CHDH: variants seen among roughly 807,000 people sequenced by gnomAD.
The protein encoded by CHDH is choline dehydrogenase, also known as choline dehydrogenase, mitochondrial.
In CHDH, 43 loss-of-function variants were observed where a neutral mutation model predicts 56.9. The observed-to-expected ratio is 0.76, with a 90% CI of 0.59 to 0.97. The LOEUF is 0.97. Ranked by LOEUF, CHDH falls within the 50% of genes least tolerant of loss-of-function variation. The probability of loss-of-function intolerance (pLI) is 0.00; values close to 1 mark genes in which losing one functional copy is unlikely to be tolerated. For synonymous variants in CHDH, 364 were observed against 348.5 expected (o/e 1.04, Z -0.50); for missense variants, 816 against 821.1 (o/e 0.99, Z 0.08).
intron 2 of CHDH, among the ~76,000 whole-genome samples, chr3:53,833,246 G>A (rs535235509): frequency 6.6e-6 from 1 of 152,340 alleles, no homozygotes; most frequent in East Asian, 1.9e-4. Flanking sequence ...CCTTCTTCCT[G>A]AGGTGGCGGC....
chr3:53,819,552 TG>T lies in CHDH; in HGVS notation c.1242del (p.Thr415ProfsTer23). The T allele has an allele frequency of 6.2e-7, 1 of 1,611,650 alleles. No individual in the cohort carries two copies. Among genetic ancestry groups the T allele is most frequent in the Admixed American group, 1.7e-5 (1 of 59,808 alleles). Reference sequence around the variant, plus strand: ...CTCACCTGGTAAGCCTCCTGCTGGGTGGGGACCCGCCCGTGGTCAATCACTT... The same window carrying T: ...CTCACCTGGTAAGCCTCCTGCTGGGTGGGACCCGCCCGTGGTCAATCACTT... ...PSQVIDHGRVPTQQEAYQVHV... is the reference protein window; with the variant it reads ...PSQVIDHGRVXTQQEAYQVHV... On this transcript the variant is annotated frameshift_variant, in exon 7 of 9. Transcript: ENST00000315251. LOFTEE classifies it high-confidence loss of function. The surrounding 1 kb of genome is among the most constrained non-coding windows in gnomAD (Gnocchi z 5.4).
chr3:53,821,031 C>G (rs72982040), intron 5 of CHDH, among the ~76,000 whole-genome samples: 3,075 of 152,374 alleles, frequency 0.02, 116 homozygotes, highest in African/African-American at 0.071. Flanking sequence ...GCTACACCGT[C>G]CTTGCATGAA....
intron 2 of CHDH, among the ~76,000 whole-genome samples, chr3:53,837,211 A>G (rs928791895): frequency 1.3e-5 from 2 of 151,980 alleles, no homozygotes; most frequent in Non-Finnish European, 2.9e-5. Flanking sequence ...AAAAAAAAAA[A>G]GGGCATTTTC....
chr3:53,818,843 A>G (rs2095620586), intron 8 of CHDH, 95 bp downstream of exon 8: 1 of 845,806 alleles, frequency 1.2e-6, no homozygotes, highest in African/African-American at 1.7e-5. Context: ...TGTGTCCTAG[A>G]AAGTGTAGTC....
rs1044857540 is a variant in CHDH, at chr3:53,816,847, T to G, written c.*930A>C. On this transcript the variant is annotated 3_prime_UTR_variant, in exon 9 of 9. Coordinates refer to ENST00000315251, the MANE Select transcript of CHDH (RefSeq NM_018397.5). ...GGTCCAAAAAAATCTCAGGTTTTTT[T>G]TTTTTTTTTTTTTTTTGAGACAGGG... The G allele has an allele frequency of 1.4e-5, 2 of 147,244 alleles. No individual in the cohort carries two copies. Among genetic ancestry groups the G allele is most frequent in the African/African-American group, 5.0e-5 (2 of 39,800 alleles). The allele number at this position is 147,244 out of a possible 1,614,324, so 9.1% of individuals were successfully genotyped here.
chr3:53,823,683 G>T lies in CHDH; in HGVS notation c.326C>A (p.Thr109Lys). 1.3e-6 allele frequency: 2 copies of T among 1,548,176 alleles called. No homozygotes were observed. The highest frequency in any genetic ancestry group is 1.7e-6 in the Non-Finnish European group (2 of 1,147,008). ...CDDRYNWCYH[T>K]EVQRGLDGRV... ...GCCGTCCAGGCCCCGCTGCACCTCT[G>T]TGTGGTAGCACCAGTTGTACCTGTC... The change falls in exon 3 of 9, where the codon ACA (threonine) becomes AAA (lysine). Residue 109 changes from threonine to lysine, a missense_variant. Thr to Lys is a moderately conservative substitution (Grantham distance 78, BLOSUM62 -1). Transcript: ENST00000315251.
At position 53,815,744 on chromosome 3, in the gene CHDH, G is replaced by C. The variant is rs2095614612; in HGVS notation, c.*2033C>G. On this transcript the variant is annotated 3_prime_UTR_variant, in exon 9 of 9. Transcript: ENST00000315251. The stretch of plus-strand genomic sequence containing the variant: ...ATCCATACCTGTTCCAGAGAAGAAG[G>C]GTCAGCACAGTCATGGTTGGTCCAG... The C allele has an allele frequency of 1.3e-5, 2 of 152,210 alleles. No individual in the cohort carries two copies. Among genetic ancestry groups the C allele is most frequent in the Non-Finnish European group, 2.9e-5 (2 of 68,060 alleles). The allele number at this position is 152,210 out of a possible 1,614,324, so 9.4% of individuals were successfully genotyped here.
rs2095632008 is a variant in CHDH at position 53,823,429 on chromosome 3, T to C, written c.580A>G (p.Thr194Ala). 2.5e-6 allele frequency: 4 copies of C among 1,583,740 alleles called. No homozygotes were observed. In the South Asian group the frequency reaches 4.6e-5, roughly 18 times the overall value. Residue 194 changes from threonine to alanine, a missense_variant, in exon 3 of 9, where the codon ACC (threonine) becomes GCC (alanine). By Grantham distance (58) the Thr-to-Ala change is moderately conservative (BLOSUM62 0). Transcript: ENST00000315251. Reference sequence around the variant, plus strand: ...AATGCGCAGTGCAGCGGGTGGTTGGTCTTGCCCCGGGACACCCGCAGCGGG... The same window carrying C: ...AATGCGCAGTGCAGCGGGTGGTTGGCCTTGCCCCGGGACACCCGCAGCGGG... ...DGPLRVSRGK[T>A]NHPLHCAFLE...
At chr3:53,822,332 ACCAG>A (rs1454775633) in intron 4 of CHDH, among the ~76,000 whole-genome samples, 155 bp downstream of exon 4, 1 of 151,840 alleles carries the variant, frequency 6.6e-6, no homozygotes, top group African/African-American at 2.4e-5. Flanking sequence ...CTTCACCTCC[ACCAG>A]CCCACTGCCA....
Position 53,817,335 on chromosome 3 carries a change from A to C in CHDH, c.*442T>G. ...TACTGTGTGACTTACTGCCTCAGCT[A>C]AAGCTTGCAGCTCAAGAAGGAGGAT... On this transcript the variant is annotated 3_prime_UTR_variant, in exon 9 of 9. Transcript: ENST00000315251. 1 of 168,604 alleles carries C rather than the reference A, an allele frequency of 5.9e-6. No homozygotes were observed. Among genetic ancestry groups the C allele is most frequent in the Non-Finnish European group, 1.3e-5 (1 of 77,914 alleles). 10.4% of individuals were successfully genotyped at this position (168,604 alleles called of 1,614,324 possible).
chr3:53,823,994 T>A lies in CHDH; in HGVS notation c.15A>T (p.Leu5=). 1 of 1,487,466 alleles carries A rather than the reference T, an allele frequency of 6.7e-7. No individual in the cohort carries two copies. The highest frequency in any genetic ancestry group is 8.9e-7 in the Non-Finnish European group (1 of 1,128,658). The allele number at this position is 1,487,466 out of a possible 1,614,324, so 92.1% of individuals were successfully genotyped here. Residue 5 remains leucine, a synonymous_variant, in exon 3 of 9, where the codon CTA becomes CTT. Transcript: ENST00000315251. MWCL[L]RGLGRPGALA... is the part of the protein sequence containing the mutation. ...GGGCTCCAGGCCGGCCCAGGCCTCG[T>A]AGGAGACACCACATGCTTCTATCTA...
At position 53,846,106 on chromosome 3, in the gene CHDH, C is replaced by G. The variant is rs1180474469; in HGVS notation, c.-154G>C. 1 of 152,570 alleles carries G rather than the reference C, an allele frequency of 6.6e-6. No homozygotes were observed. Among genetic ancestry groups the G allele is most frequent in the Non-Finnish European group, 1.5e-5 (1 of 68,350 alleles). The allele number at this position is 152,570 out of a possible 1,614,324, so 9.5% of individuals were successfully genotyped here. ...ACCCGGGGCGACTCGGCCGAGAGCC[C>G]GACAGTCGGGACCGGAGCGGGAGGA... On this transcript the variant is annotated 5_prime_UTR_variant, in exon 1 of 9. Coordinates refer to ENST00000315251, the MANE Select transcript of CHDH (RefSeq NM_018397.5).
intron 1 of CHDH, among the ~76,000 whole-genome samples, chr3:53,843,936 T>C (rs532708384): frequency 6.6e-6 from 1 of 152,336 alleles, no homozygotes; most frequent in African/African-American, 2.4e-5. Flanking sequence ...ATAAATTGTG[T>C]GCCTTCCGGC....
chr3:53,829,922 C>G (rs1698281437), intron 2 of CHDH, among the ~76,000 whole-genome samples: 2 of 152,198 alleles, frequency 1.3e-5, no homozygotes, highest in African/African-American at 4.8e-5. Context: ...AACATTCAAA[C>G]CAACTTTGGG....
At position 53,817,081 on chromosome 3, in the gene CHDH, T is replaced by G. The variant is rs145132052; in HGVS notation, c.*696A>C. ...CTTGAACTCCTGAGCTCAAGTGACC[T>G]TCCCAAAGTGCTGGGATTACAGGTG... On this transcript the variant is annotated 3_prime_UTR_variant, in exon 9 of 9. Transcript: ENST00000315251. 2 of 152,562 alleles carry G rather than the reference T, an allele frequency of 1.3e-5. No individual in the cohort carries two copies. Among genetic ancestry groups the G allele is most frequent in the Non-Finnish European group, 2.9e-5 (2 of 68,330 alleles). 9.5% of individuals were successfully genotyped at this position (152,562 alleles called of 1,614,324 possible). A position where few individuals can be genotyped will look rare whatever the true frequency, so the allele number is the denominator to read the frequency against.
rs748250862 is a variant in CHDH at position 53,823,383 on chromosome 3, G to C, written c.626C>G (p.Ala209Gly). 2 of 1,605,722 alleles carry C rather than the reference G, an allele frequency of 1.2e-6. No individual in the cohort carries two copies. Among genetic ancestry groups the C allele is most frequent in the Non-Finnish European group, 1.7e-6 (2 of 1,175,720 alleles). Residue 209 changes from alanine (A) to glycine (G), a missense_variant, in exon 3 of 9, where the codon GCC becomes GGC. Ala to Gly is a moderately conservative substitution (Grantham distance 60). Coordinates refer to ENST00000315251, the MANE Select transcript of CHDH (RefSeq NM_018397.5). ...CATGTCCTCGGTGAGCGGGTAGCCG[G>C]CCTGCTGCGTGGCCTCCAGGAATGC... ...HCAFLEATQQAGYPLTEDMNG... is the reference protein window; with the variant it reads ...HCAFLEATQQGGYPLTEDMNG...
chr3:53,824,724 A>T (rs1172027757), intron 2 of CHDH, among the ~76,000 whole-genome samples: 1 of 152,196 alleles, frequency 6.6e-6, no homozygotes, highest in Admixed American at 6.5e-5. Flanking sequence ...GAAAAATGGC[A>T]ATAGCTTTGA....
intron 2 of CHDH, among the ~76,000 whole-genome samples, chr3:53,827,760 A>G (rs1302742150): frequency 1.3e-5 from 2 of 152,246 alleles, no homozygotes; most frequent in African/African-American, 4.8e-5. Context: ...ATGGAGAGAT[A>G]TTTCATGTTC....
chr3:53,818,861 A>ATGAT (rs2095620619), intron 8 of CHDH, 77 bp downstream of exon 8: 1 of 904,288 alleles, frequency 1.1e-6, no homozygotes, highest in African/African-American at 1.6e-5. Flanking sequence ...GTCCAAGGGT[A>ATGAT]TGATTCAGGG....
Sources: gnomAD v4.1 joint callset for allele counts (sites outside exome capture counted in the v4.1 genomes callset) on GRCh38, gnomAD v4.1.1 for gene constraint, Gnocchi (gnomAD v3.1) non-coding constraint, MANE v1.5 for transcripts, NCBI Gene and HGNC (gene_info 2026-07-23, HGNC 2026-07-21) for gene names.